The following NXPE2 variants were observed in gnomAD, a reference collection of about 807,000 sequenced individuals.
NXPE2 encodes the protein NXPE family member 2.
NXPE2 carries 34 observed loss-of-function variants against 34.4 expected under a neutral mutation model. The observed-to-expected ratio is 0.99, with a 90% CI of 0.75 to 1.31. The LOEUF is 1.31. Among genes scored for constraint, NXPE2 ranks in the 40% most tolerant of loss-of-function variants. The pLI is 0.00. For synonymous variants in NXPE2, 235 were observed against 231.3 expected (o/e 1.02, Z -0.15); for missense variants, 649 against 672.5 (o/e 0.97, Z 0.39).
At chr11:114,755,007 A>T in the NXPE2 span, among the ~76,000 whole-genome samples, 2 of 152,280 alleles carry the variant, frequency 1.3e-5, no homozygotes, top group Admixed American at 6.5e-5. Flanking sequence ...GTAAGTTGCG[A>T]TCTATGAGAT....
At chr11:114,812,252 C>A in the NXPE2 span, among the ~76,000 whole-genome samples, 1 of 152,156 alleles carries the variant, frequency 6.6e-6, no homozygotes, top group Non-Finnish European at 1.5e-5. Flanking sequence ...GAGAGCTAGA[C>A]AGGGCCTGAC....
the NXPE2 span, among the ~76,000 whole-genome samples, chr11:114,601,284 C>T: frequency 6.7e-6 from 1 of 149,928 alleles, no homozygotes; most frequent in South Asian, 2.1e-4. Flanking sequence ...CATTATACCA[C>T]TCTGTATGAT....
At chr11:114,768,945 C>T in the NXPE2 span, among the ~76,000 whole-genome samples, 84 of 152,050 alleles carry the variant, frequency 5.5e-4, no homozygotes, top group African/African-American at 2.0e-3. Context: ...CAACAAAAGC[C>T]AAAACTGACA....
chr11:114,505,041 A>G, the NXPE2 span, among the ~76,000 whole-genome samples: 1 of 152,246 alleles, frequency 6.6e-6, no homozygotes, highest in East Asian at 1.9e-4. Context: ...AGAAGAATGT[A>G]GCTGTCCTGA....
At chr11:114,482,096 C>A in the NXPE2 span, among the ~76,000 whole-genome samples, 3 of 152,124 alleles carry the variant, frequency 2.0e-5, no homozygotes, top group Admixed American at 1.3e-4. Flanking sequence ...CAAGTGGTGG[C>A]TGGCACGCAC....
At chr11:114,522,875 C>A in the NXPE2 span, 1 of 1,594,186 alleles carries the variant, frequency 6.3e-7, no homozygotes, top group Non-Finnish European at 8.6e-7. Flanking sequence ...AAGTAACTAC[C>A]TACTTTTTAC....
chr11:114,607,214 T>C, the NXPE2 span, among the ~76,000 whole-genome samples: 3 of 151,952 alleles, frequency 2.0e-5, no homozygotes, highest in East Asian at 5.8e-4. Context: ...GGAAAATAAA[T>C]GTTACCTCGT....
chr11:114,767,533 A>G, the NXPE2 span, among the ~76,000 whole-genome samples: 3 of 152,212 alleles, frequency 2.0e-5, no homozygotes, highest in Non-Finnish European at 4.4e-5. Flanking sequence ...ATTTACAAAT[A>G]TGTCTATCCA....
At chr11:114,470,500 C>G in the NXPE2 span, among the ~76,000 whole-genome samples, 1 of 151,208 alleles carries the variant, frequency 6.6e-6, no homozygotes, top group African/African-American at 2.4e-5. Flanking sequence ...TGTATGTCTT[C>G]TTTGGTGATA....
chr11:114,650,095 A>G, the NXPE2 span, among the ~76,000 whole-genome samples: 12 of 152,338 alleles, frequency 7.9e-5, no homozygotes, highest in Admixed American at 5.2e-4. Context: ...CAGGTAATAT[A>G]CAAAAGTGTA....
chr11:114,631,294 C>T, the NXPE2 span, among the ~76,000 whole-genome samples: 1 of 151,676 alleles, frequency 6.6e-6, no homozygotes, highest in Non-Finnish European at 1.5e-5. Flanking sequence ...CAATGATAGA[C>T]TGGATTAAGA....
rs1356426 is a variant in NXPE2 at position 114,705,564 on chromosome 11, G to A, written c.929-217G>A. Among the ~76,000 whole-genome samples the A allele has an allele frequency of 5.3e-3, 804 of 152,238 alleles. 5 individuals are homozygous for A. The highest frequency in any genetic ancestry group is 0.018 in the African/African-American group (765 of 41,540). On this transcript the variant is annotated intron_variant, in intron 4 of 5. Coordinates refer to ENST00000389586, the MANE Select transcript of NXPE2 (RefSeq NM_182495.6). ...CATTGCAAATGCACAAGAGTCAACA[G>A]ATCCCCACTCCAAGAAAAACTATTC... is the stretch of plus-strand genomic sequence containing the variant.
chr11:114,515,273 A>G, the NXPE2 span, among the ~76,000 whole-genome samples: 14 of 152,136 alleles, frequency 9.2e-5, no homozygotes, highest in Non-Finnish European at 1.8e-4. Flanking sequence ...AGTTGAATCT[A>G]TAAGTAACCT....
chr11:114,626,359 T>C, the NXPE2 span, among the ~76,000 whole-genome samples: 3 of 152,100 alleles, frequency 2.0e-5, no homozygotes, highest in Non-Finnish European at 4.4e-5. Context: ...CTCAAGTGGG[T>C]CCCTGACCCC....
At chr11:114,616,779 G>T in the NXPE2 span, among the ~76,000 whole-genome samples, 4 of 151,580 alleles carry the variant, frequency 2.6e-5, no homozygotes, top group African/African-American at 9.8e-5. Flanking sequence ...TTGCCTCTTG[G>T]CTTACCACTG....
At chr11:114,543,358 C>T in the NXPE2 span, among the ~76,000 whole-genome samples, 1 of 150,572 alleles carries the variant, frequency 6.6e-6, no homozygotes, top group Non-Finnish European at 1.5e-5. Context: ...GAGCAAGACT[C>T]TAATTATATA....
the NXPE2 span, among the ~76,000 whole-genome samples, chr11:114,579,436 AAATAAAT>A: frequency 1.3e-5 from 2 of 152,170 alleles, no homozygotes; most frequent in Non-Finnish European, 2.9e-5. Flanking sequence ...CAGGCAGGGA[AAATAAAT>A]AACATGCCCA....
At chr11:114,602,100 A>C in the NXPE2 span, among the ~76,000 whole-genome samples, 1 of 98,628 alleles carries the variant, frequency 1.0e-5, no homozygotes, top group East Asian at 3.1e-4. Flanking sequence ...TATAACATAT[A>C]TTATAATATA....
the NXPE2 span, among the ~76,000 whole-genome samples, chr11:114,491,635 G>T: frequency 7.2e-5 from 11 of 152,136 alleles, no homozygotes; most frequent in East Asian, 7.7e-4. Flanking sequence ...GAAATACCAT[G>T]TGACCCAGCC....
Sources: gnomAD v4.1 joint callset for allele counts (sites outside exome capture counted in the v4.1 genomes callset) on GRCh38, gnomAD v4.1.1 for gene constraint, MANE v1.5 for transcripts, NCBI Gene and HGNC (gene_info 2026-07-23, HGNC 2026-07-21) for gene names.